Variants in FRK observed in about 807,000 individuals in gnomAD.
FRK encodes the protein fyn related Src family tyrosine kinase, also known as tyrosine-protein kinase FRK.
In FRK, 51 loss-of-function variants were observed where a neutral mutation model predicts 56.4. The ratio of observed to expected loss-of-function variants is 0.90; its 90% confidence interval spans 0.72 to 1.14. The LOEUF is 1.14. Among genes scored for constraint, FRK ranks in the 50% most tolerant of loss-of-function variants. FRK has a pLI of 0.00. For missense variants in FRK, 570 were observed against 601.4 expected, an observed-to-expected ratio of 0.95 and a Z score of 0.55; for synonymous variants, 245 against 217.9, an observed-to-expected ratio of 1.12 and a Z score of -1.10.
In FRK at chr6:115,942,538, ATGT is replaced by A; in HGVS notation, c.1391_1393del (p.Asn464del). 2 of 1,613,806 alleles carry A rather than the reference ATGT, an allele frequency of 1.2e-6. No homozygotes were observed. The highest frequency in any genetic ancestry group is 1.7e-6 in the Non-Finnish European group (2 of 1,179,796). ...CTCTGCATTCCAGCACTCCAACATG[ATGT>A]TGTAAAATTGCTGTGGACAGTTGGA... On this transcript the variant is annotated inframe_deletion, in exon 8 of 8. Transcript: ENST00000606080.
In FRK at chr6:115,956,589, A is replaced by C. The variant is rs765111675; in HGVS notation, c.821T>G (p.Phe274Cys). ...LKPGSMDPNDFLREAQIMKNL... is the reference protein window; with the variant it reads ...LKPGSMDPNDCLREAQIMKNL... ...CTTCATTATCTGTGCCTCCCTCAGG[A>C]AGTCATTTGGATCCATTGAACCTGA... The change falls in exon 5 of 8, where the codon TTC becomes TGC. Residue 274 changes from phenylalanine (F) to cysteine (C), a missense_variant. Transcript: ENST00000606080. The C allele has an allele frequency of 6.3e-7, 1 of 1,575,026 alleles. No individual in the cohort carries two copies. The highest frequency in any genetic ancestry group is 8.6e-7 in the Non-Finnish European group (1 of 1,161,922).
At chr6:115,958,704 G>GAA (rs5879359) in intron 4 of FRK, among the ~76,000 whole-genome samples, 1 of 6,958 alleles carries the variant, frequency 1.4e-4, no homozygotes, top group Non-Finnish European at 3.0e-4. Context: ...AAGAAAGAAA[G>GAA]AAGAAAGAAA....
At chr6:116,042,589 T>C (rs1182569370) in intron 1 of FRK, among the ~76,000 whole-genome samples, 1 of 152,162 alleles carries the variant, frequency 6.6e-6, no homozygotes, top group African/African-American at 2.4e-5. Context: ...AAGGAAGTAC[T>C]AAATATGGAC....
At chr6:116,070,811 T>C in the FRK span, among the ~76,000 whole-genome samples, 5 of 152,188 alleles carry the variant, frequency 3.3e-5, no homozygotes, top group African/African-American at 1.2e-4. Context: ...CAGATTTAGA[T>C]TTTTCCTATG....
In FRK at chr6:116,038,977, C is replaced by T. The variant is rs184856215; in HGVS notation, c.344+20991G>A. ...TACAAAGTAACTAACGGGGCCTTTA[C>T]TTGGGAGATCAGCCCTGGCATGATC... is the stretch of plus-strand genomic sequence containing the variant. On this transcript the variant is annotated intron_variant, in intron 1 of 7. Coordinates refer to ENST00000606080, the MANE Select transcript of FRK (RefSeq NM_002031.3). 6.4e-4 allele frequency: 455 copies of T among 706,206 alleles called. No homozygotes were observed. In the East Asian group the frequency reaches 0.012, roughly 19 times the overall value. 43.7% of individuals were successfully genotyped at this position (706,206 alleles called of 1,614,324 possible). A position where few individuals can be genotyped will look rare whatever the true frequency, so the allele number is the denominator to read the frequency against.
intron 1 of FRK, among the ~76,000 whole-genome samples, chr6:116,031,867 A>G (rs184928245): frequency 6.5e-4 from 99 of 152,260 alleles, no homozygotes; most frequent in African/African-American, 2.2e-3. Context: ...AAACAATATG[A>G]TCATTCACAT....
chr6:116,096,080 G>A, the FRK span, among the ~76,000 whole-genome samples: 7 of 152,182 alleles, frequency 4.6e-5, no homozygotes, highest in East Asian at 3.9e-4. Flanking sequence ...CTAGGATCAC[G>A]GCCATCAAGC....
At chr6:116,091,614 C>T in the FRK span, among the ~76,000 whole-genome samples, 5 of 152,186 alleles carry the variant, frequency 3.3e-5, no homozygotes, top group Admixed American at 6.5e-5. Flanking sequence ...TGAGTACCAT[C>T]GGACCCCTTT....
At position 115,942,444 on chromosome 6, in the gene FRK, T is replaced by C; in HGVS notation, c.1488A>G (p.Ser496=). Residue 496 remains serine (S), a synonymous_variant, in exon 8 of 8, where the codon TCA becomes TCG. Coordinates refer to ENST00000606080, the MANE Select transcript of FRK (RefSeq NM_002031.3). ...TTATGAAGTTATTTGCATCTGAATA[T>C]GAAGAGTCTGTTTCAAAATAGTCTT... The part of the protein sequence containing the change: ...KLEDYFETDS[S]YSDANNFIR The C allele has an allele frequency of 6.2e-7, 1 of 1,613,602 alleles. No individual in the cohort carries two copies.
At chr6:115,993,225 G>A (rs1382838917) in intron 2 of FRK, among the ~76,000 whole-genome samples, 1 of 151,740 alleles carries the variant, frequency 6.6e-6, no homozygotes, top group African/African-American at 2.4e-5. Flanking sequence ...AGTAATTTTA[G>A]GTGGAAGTAT....
At chr6:116,023,083 T>C (rs1470208466) in intron 1 of FRK, among the ~76,000 whole-genome samples, 5 of 152,094 alleles carry the variant, frequency 3.3e-5, no homozygotes, top group Non-Finnish European at 7.4e-5. Flanking sequence ...ATCAAGGAAA[T>C]GCAAATTAAA....
the FRK span, among the ~76,000 whole-genome samples, chr6:116,084,296 C>T: frequency 1.1e-4 from 16 of 152,148 alleles, no homozygotes; most frequent in African/African-American, 3.9e-4. Context: ...AACCCCAAAA[C>T]TCGGTGGTTT....
At chr6:116,038,967 G>A (rs1262799661) in intron 1 of FRK, 10 of 692,880 alleles carry the variant, frequency 1.4e-5, no homozygotes, top group East Asian at 6.3e-5. Flanking sequence ...AGTAACTAAC[G>A]GGGCCTTTAC....
chr6:116,073,604 A>G, the FRK span, among the ~76,000 whole-genome samples: 155 of 152,336 alleles, frequency 1.0e-3, no homozygotes, highest in African/African-American at 3.5e-3. Flanking sequence ...ATTAAAAATG[A>G]ATAGGGAAGC....
chr6:116,059,819 G>A (rs1777548773), intron 1 of FRK, 149 bp downstream of exon 1: 3 of 680,738 alleles, frequency 4.4e-6, no homozygotes, highest in Admixed American at 2.6e-5. Flanking sequence ...CGGGGGAGGT[G>A]TGTTTCAATT....
At chr6:115,959,257 G>C (rs1379956375) in intron 4 of FRK, among the ~76,000 whole-genome samples, 1 of 152,082 alleles carries the variant, frequency 6.6e-6, no homozygotes, top group Non-Finnish European at 1.5e-5. Flanking sequence ...AGCTGTTTGT[G>C]GCTATTACAC....
At chr6:116,098,614 G>T in the FRK span, among the ~76,000 whole-genome samples, 2 of 152,130 alleles carry the variant, frequency 1.3e-5, no homozygotes, top group Non-Finnish European at 2.9e-5. Flanking sequence ...ATGAATGAGT[G>T]GGGGACAAAA....
At chr6:116,024,469 T>C (rs546258965) in intron 1 of FRK, among the ~76,000 whole-genome samples, 7 of 146,948 alleles carry the variant, frequency 4.8e-5, no homozygotes, top group African/African-American at 1.0e-4. Flanking sequence ...CTTGTGTCCA[T>C]GTGTTCTCAT....
At chr6:115,977,735 C>A (rs1419339738) in intron 2 of FRK, among the ~76,000 whole-genome samples, 2 of 152,030 alleles carry the variant, frequency 1.3e-5, no homozygotes, top group East Asian at 1.9e-4. Context: ...AAATTGTGAG[C>A]CTGAACCATA....
Sources: gnomAD v4.1 joint callset for allele counts (sites outside exome capture counted in the v4.1 genomes callset) on GRCh38, gnomAD v4.1.1 for gene constraint, MANE v1.5 for transcripts, NCBI Gene and HGNC (gene_info 2026-07-23, HGNC 2026-07-21) for gene names.